The following DAPK1 variants were observed in gnomAD, a reference collection of about 807,000 sequenced individuals.
The protein encoded by DAPK1 is death associated protein kinase 1.
A neutral mutation model predicts 144.9 loss-of-function variants in DAPK1; 56 were observed. That is an observed-to-expected ratio of 0.39 (90% CI 0.31 to 0.48). The LOEUF (loss-of-function observed/expected upper bound fraction) is 0.48. DAPK1 is among the 20% of genes least tolerant of loss of function. DAPK1 has a pLI of 0.95. For synonymous variants in DAPK1, 690 were observed against 749.0 expected, an observed-to-expected ratio of 0.92 and a Z score of 1.29; for missense variants, 1,454 against 1,875.4, an observed-to-expected ratio of 0.78 and a Z score of 4.15.
At chr9:87,677,134 C>T (rs908883225) in intron 19 of DAPK1, among the ~76,000 whole-genome samples, 1 of 152,222 alleles carries the variant, frequency 6.6e-6, no homozygotes, top group Non-Finnish European at 1.5e-5. Flanking sequence ...GGAAACACAT[C>T]TGTCTCAACT....
At chr9:87,661,165 G>A (rs182655344) in intron 18 of DAPK1, among the ~76,000 whole-genome samples, 1 of 152,282 alleles carries the variant, frequency 6.6e-6, no homozygotes, top group African/African-American at 2.4e-5. Flanking sequence ...TGGCCAAGTA[G>A]TATTCCATTG....
At chr9:87,579,722 A>C (rs2118819760) in intron 2 of DAPK1, among the ~76,000 whole-genome samples, 1 of 152,268 alleles carries the variant, frequency 6.6e-6, no homozygotes, top group Admixed American at 6.5e-5. Flanking sequence ...TGTTTTTTTC[A>C]ATTCAGGGAA....
At chr9:87,512,214 C>A (rs1824875435) in intron 2 of DAPK1, among the ~76,000 whole-genome samples, 1 of 152,180 alleles carries the variant, frequency 6.6e-6, no homozygotes, top group Admixed American at 6.5e-5. Context: ...TGTGCCAACA[C>A]ACCTGGCTTA....
intron 2 of DAPK1, among the ~76,000 whole-genome samples, chr9:87,536,712 C>T (rs1487358109): frequency 3.9e-5 from 6 of 152,196 alleles, no homozygotes; most frequent in Non-Finnish European, 5.9e-5. Flanking sequence ...GTTTCTTTTG[C>T]GTATTTATAG....
chr9:87,621,931 A>G (rs1401306217), intron 3 of DAPK1, among the ~76,000 whole-genome samples: 1 of 151,970 alleles, frequency 6.6e-6, no homozygotes. Context: ...AGCCTCGGCA[A>G]CATCAGAGCC....
chr9:87,643,548 C>G (rs781589056), intron 11 of DAPK1, 80 bp downstream of exon 11: 5 of 941,994 alleles, frequency 5.3e-6, no homozygotes, highest in Non-Finnish European at 8.4e-6. Context: ...TTTGTTCAAC[C>G]TCCCAGGAAC....
At chr9:87,579,960 GT>G (rs1827694485) in intron 2 of DAPK1, among the ~76,000 whole-genome samples, 1 of 152,168 alleles carries the variant, frequency 6.6e-6, no homozygotes, top group African/African-American at 2.4e-5. Context: ...AGGAATGTGT[GT>G]TAAGTGTCTG....
intron 20 of DAPK1, among the ~76,000 whole-genome samples, chr9:87,683,088 T>A (rs1038853917): frequency 3.4e-5 from 5 of 147,318 alleles, no homozygotes; most frequent in African/African-American, 1.2e-4. Context: ...TTTATTTATT[T>A]TTTTTTTTTT....
chr9:87,673,946 A>G (rs1376769256), intron 19 of DAPK1, among the ~76,000 whole-genome samples: 1 of 152,144 alleles, frequency 6.6e-6, no homozygotes, highest in East Asian at 1.9e-4. Flanking sequence ...TCAGTAACAG[A>G]GCCCTGGGCA....
Position 87,604,966 on chromosome 9 carries a change from G to T in DAPK1, c.75G>T (p.Ala25=), listed in dbSNP as rs774146874. The T allele has an allele frequency of 1.1e-5, 18 of 1,613,922 alleles. No homozygotes were observed. In the South Asian group the frequency reaches 1.9e-4, roughly 17 times the overall value. Residue 25 remains alanine, a synonymous_variant, in exon 3 of 26, where the codon GCG becomes GCT. Transcript: ENST00000408954. The stretch of plus-strand genomic sequence containing the variant: ...CTTCTCTTTTCAGTGGACAGTTTGC[G>T]GTTGTGAAGAAATGCCGTGAGAAAA... ...TGEELGSGQF[A]VVKKCREKST...
rs527623319 is a variant in DAPK1 at position 87,703,430 on chromosome 9, T to G, written c.3060+213T>G. On this transcript the variant is annotated intron_variant, in intron 25 of 25. Coordinates refer to ENST00000408954, the MANE Select transcript of DAPK1 (RefSeq NM_004938.4). ...TCACCTTAGGAGCTGTCATTTTGTC[T>G]TGTCGTGTTTTGCTTTTATTTCCAG... Among the ~76,000 whole-genome samples the G allele has an allele frequency of 2.0e-5, 3 of 151,954 alleles. No individual in the cohort carries two copies. In the South Asian group the frequency reaches 6.2e-4, roughly 31 times the overall value.
rs796554705 is a variant in DAPK1 at position 87,668,617 on chromosome 9, T to C, written c.1944T>C (p.Asp648=). ...ALTTDGKTAE[D]LARSEQHEHV... is the part of the protein sequence containing the mutation. Reference sequence around the variant, plus strand: ...AACAGGACGGAAAGACGGCAGAAGATCTTGCTAGATCGGAACAGCACGAGC... The same window carrying C: ...AACAGGACGGAAAGACGGCAGAAGACCTTGCTAGATCGGAACAGCACGAGC... The change falls in exon 19 of 26, where the codon GAT becomes GAC. Residue 648 remains aspartate, a synonymous_variant. Coordinates refer to ENST00000408954, the MANE Select transcript of DAPK1 (RefSeq NM_004938.4). 8 of 1,464,572 alleles carry C rather than the reference T, an allele frequency of 5.5e-6. No individual in the cohort carries two copies. The African/African-American group carries it at 9.7e-5, about 18-fold the overall frequency. 90.7% of individuals were successfully genotyped at this position (1,464,572 alleles called of 1,614,324 possible).
intron 2 of DAPK1, among the ~76,000 whole-genome samples, chr9:87,517,776 G>GC (rs1178168165): frequency 6.6e-6 from 1 of 152,178 alleles, no homozygotes; most frequent in Non-Finnish European, 1.5e-5. Context: ...GGTAGAGTAA[G>GC]CTTCAGATAA....
chr9:87,545,528 G>A (rs565673476), intron 2 of DAPK1, among the ~76,000 whole-genome samples: 1 of 152,204 alleles, frequency 6.6e-6, no homozygotes, highest in African/African-American at 2.4e-5. Flanking sequence ...GGTGAGCCTC[G>A]GTGAGGCATT....
chr9:87,681,831 T>G (rs1824641321), intron 20 of DAPK1: 2 of 594,536 alleles, frequency 3.4e-6, no homozygotes, highest in Non-Finnish European at 6.0e-6. Context: ...GACTTGGCAG[T>G]AGCAAAACAA....
chr9:87,578,444 C>G (rs1827637662), intron 2 of DAPK1, among the ~76,000 whole-genome samples: 2 of 152,150 alleles, frequency 1.3e-5, no homozygotes, highest in South Asian at 4.1e-4. Context: ...TACAAATAGC[C>G]TTGTAAAGCA....
chr9:87,653,531 G>T (rs1030810615), intron 17 of DAPK1, among the ~76,000 whole-genome samples: 4 of 152,086 alleles, frequency 2.6e-5, no homozygotes, highest in Non-Finnish European at 5.9e-5. Context: ...GTGTGTACAT[G>T]CATGTGAGCA....
chr9:87,686,692 A>G lies in DAPK1; in HGVS notation c.2366A>G (p.Asp789Gly), dbSNP rs371503196. The G allele has an allele frequency of 5.6e-6, 9 of 1,613,530 alleles. No individual in the cohort carries two copies. The highest frequency in any genetic ancestry group is 7.6e-6 in the Non-Finnish European group (9 of 1,179,652). The change falls in exon 21 of 26, where the codon GAT becomes GGT. Residue 789 changes from aspartate to glycine, a missense_variant. Around this residue, in one of 2 missense-constraint regions of DAPK1, gnomAD observed 1,025 missense variants for 1,237.9 expected, o/e 0.83. Coordinates refer to ENST00000408954, the MANE Select transcript of DAPK1 (RefSeq NM_004938.4). The surrounding 1 kb of genome is among the most constrained non-coding windows in gnomAD (Gnocchi z 4.2). Reference protein sequence around the residue: ...APTHHPHCSADDQSTKAIDIQ... With the variant: ...APTHHPHCSAGDQSTKAIDIQ... ...ACCCACCACCCGCACTGCTCGGCCG[A>G]TGACCAGTCCACCAAGGCCATCGAC... is the stretch of plus-strand genomic sequence containing the variant.
intron 3 of DAPK1, chr9:87,632,186 A>G (rs373023661): frequency 2.2e-5 from 20 of 917,226 alleles, no homozygotes; most frequent in Middle Eastern, 5.6e-4. Flanking sequence ...ATGAGTATAT[A>G]TGTAGAATGA....
Sources: allele counts gnomAD v4.1 joint callset (sites outside exome capture counted in the v4.1 genomes callset), GRCh38; gene constraint gnomAD v4.1.1; regional missense constraint gnomAD v4.1.1; non-coding constraint Gnocchi (gnomAD v3.1); transcripts MANE v1.5; gene names NCBI Gene and HGNC (gene_info 2026-07-23, HGNC 2026-07-21).